The following PCDHGB3 variants were observed in gnomAD, a reference collection of about 807,000 sequenced individuals.
The protein encoded by PCDHGB3 is protocadherin gamma-B3.
Under a neutral mutation model 59.2 loss-of-function variants are expected in PCDHGB3, and 40 were observed. That is an observed-to-expected ratio of 0.68 (90% confidence interval 0.52 to 0.88). The LOEUF is 0.88. PCDHGB3 is among the 40% of genes least tolerant of loss of function. The pLI is 0.00. For missense variants in PCDHGB3, 1,309 were observed against 1,187.9 expected (o/e 1.10, Z -1.50); for synonymous variants, 581 against 503.6 (o/e 1.15, Z -2.06).
In PCDHGB3 at chr5:141,408,093, G is replaced by C. The variant is rs533105778; in HGVS notation, c.2415+35284G>C. On this transcript the variant is annotated intron_variant, in intron 1 of 3. Transcript: ENST00000576222. ...CCTTTCCCAGCACAGCGGATTGCCA[G>C]CTCCGAGACCCGGGACTCCTCCTGT... The C allele has an allele frequency of 7.0e-6, 10 of 1,429,954 alleles. No homozygotes were observed. In the Admixed American group the frequency reaches 1.4e-4, roughly 20 times the overall value. 88.6% of individuals were successfully genotyped at this position (1,429,954 alleles called of 1,614,324 possible).
intron 1 of PCDHGB3, among the ~76,000 whole-genome samples, chr5:141,451,108 G>A (rs1484218835): frequency 3.3e-5 from 5 of 151,860 alleles, no homozygotes; most frequent in South Asian, 2.1e-4. Flanking sequence ...GATTACAGGC[G>A]TGAGCCACCA....
chr5:141,426,492 T>C (rs1439487321), intron 1 of PCDHGB3: 2 of 336,712 alleles, frequency 5.9e-6, no homozygotes, highest in African/African-American at 4.3e-5. Context: ...TTAGAGTTAG[T>C]GCAGAGAAAC....
intron 1 of PCDHGB3, chr5:141,478,104 CTG>C: frequency 6.2e-7 from 1 of 1,614,118 alleles, no homozygotes; most frequent in Middle Eastern, 1.6e-4. Context: ...GCTACCCTCA[CTG>C]TGTCAGTAAC....
intron 1 of PCDHGB3, among the ~76,000 whole-genome samples, chr5:141,467,330 G>T (rs1335387199): frequency 6.6e-6 from 1 of 152,138 alleles, no homozygotes; most frequent in East Asian, 1.9e-4. Context: ...TGGGATTAGA[G>T]ACGTAAGCCA....
rs752660538 is a variant in PCDHGB3 at position 141,486,495 on chromosome 5, T to C, written c.2416-8312T>C. 1 of 1,614,074 alleles carries C rather than the reference T, an allele frequency of 6.2e-7. No individual in the cohort carries two copies. The highest frequency in any genetic ancestry group is 8.5e-7 in the Non-Finnish European group (1 of 1,179,922). On this transcript the variant is annotated intron_variant, in intron 1 of 3. Transcript: ENST00000576222. The surrounding 1 kb of genome is among the most constrained non-coding windows in gnomAD (Gnocchi z 5.0). ...CCTCCTCTCAGTACCCACAGAACTA[T>C]TTTCCTCAATATTTCAGATGTGAAT...
chr5:141,413,477 C>A, intron 1 of PCDHGB3: 1 of 1,614,100 alleles, frequency 6.2e-7, no homozygotes, highest in Non-Finnish European at 8.5e-7. Flanking sequence ...GAGCTCTGCG[C>A]TCAGAGCGCG....
At chr5:141,473,212 C>G (rs1311953997) in intron 1 of PCDHGB3, among the ~76,000 whole-genome samples, 1 of 152,012 alleles carries the variant, frequency 6.6e-6, no homozygotes, top group Non-Finnish European at 1.5e-5. Flanking sequence ...AAAATGCTTA[C>G]TTCCAGGGAG....
At position 141,431,376 on chromosome 5, in the gene PCDHGB3, C is replaced by T. The variant is rs558222633; in HGVS notation, c.2415+58567C>T. The T allele has an allele frequency of 1.2e-6, 2 of 1,613,436 alleles. No homozygotes were observed. Among genetic ancestry groups the T allele is most frequent in the African/African-American group, 2.7e-5 (2 of 75,070 alleles). On this transcript the variant is annotated intron_variant, in intron 1 of 3. Coordinates refer to ENST00000576222, the MANE Select transcript of PCDHGB3 (RefSeq NM_018924.5). The surrounding 1 kb of genome is among the most constrained non-coding windows in gnomAD (Gnocchi z 4.8). Reference sequence around the variant, plus strand: ...CGCGCCCTGGACCGCGAAGAAAAGGCTGCTCACCACCTGGTCCTTACGGCC... The same window carrying T: ...CGCGCCCTGGACCGCGAAGAAAAGGTTGCTCACCACCTGGTCCTTACGGCC...
chr5:141,385,560 T>C (rs920911668), intron 1 of PCDHGB3: 33 of 1,307,128 alleles, frequency 2.5e-5, no homozygotes, highest in Non-Finnish European at 3.0e-5. Context: ...ATTTTATAAT[T>C]TCCACCTACT....
At chr5:141,417,932 T>A (rs1398348549) in intron 1 of PCDHGB3, 2 of 1,611,670 alleles carry the variant, frequency 1.2e-6, no homozygotes, top group East Asian at 4.5e-5. Flanking sequence ...GCTGCCTTTG[T>A]TCTACCCCAC....
At chr5:141,446,493 T>C (rs1416449558) in intron 1 of PCDHGB3, among the ~76,000 whole-genome samples, 2 of 152,152 alleles carry the variant, frequency 1.3e-5, no homozygotes. Flanking sequence ...TTTTTTTTTT[T>C]TGAGATGGAG....
At chr5:141,456,421 A>C (rs1358944131) in intron 1 of PCDHGB3, among the ~76,000 whole-genome samples, 1 of 152,150 alleles carries the variant, frequency 6.6e-6, no homozygotes, top group Non-Finnish European at 1.5e-5. Context: ...GAAACAATTC[A>C]AGTTATAGTA....
chr5:141,389,737 G>A, intron 1 of PCDHGB3: 2 of 1,612,718 alleles, frequency 1.2e-6, no homozygotes, highest in Non-Finnish European at 1.7e-6. Flanking sequence ...TTCAGCCTGG[G>A]GCTGCGCACG....
intron 3 of PCDHGB3, among the ~76,000 whole-genome samples, chr5:141,509,109 G>A (rs893509101): frequency 5.3e-5 from 8 of 152,240 alleles, no homozygotes; most frequent in African/African-American, 1.9e-4. Flanking sequence ...AAACCTGAGC[G>A]CTGGTGCGTG....
At chr5:141,415,801 A>G (rs560476453) in intron 1 of PCDHGB3, 12 of 1,373,384 alleles carry the variant, frequency 8.7e-6, no homozygotes, top group East Asian at 5.3e-5. Flanking sequence ...CCTAGTCTCA[A>G]TCAAGGCCTA....
chr5:141,387,563 A>C (rs1589038442), intron 1 of PCDHGB3: 1 of 438,342 alleles, frequency 2.3e-6, no homozygotes, highest in East Asian at 3.7e-5. Context: ...TTAGGCACAC[A>C]ATTATAATTA....
chr5:141,409,900 T>G (rs756245078), intron 1 of PCDHGB3: 1 of 1,613,144 alleles, frequency 6.2e-7, no homozygotes, highest in Non-Finnish European at 8.5e-7. Flanking sequence ...TGTACCCAGC[T>G]CTGGGTCCTG....
At chr5:141,416,913 G>C (rs2096067624) in intron 1 of PCDHGB3, 1 of 151,920 alleles carries the variant, frequency 6.6e-6, no homozygotes, top group South Asian at 2.1e-4. Context: ...ACACTCTTTA[G>C]GGTCATAGTT....
At chr5:141,407,960 C>T in intron 1 of PCDHGB3, 1 of 669,186 alleles carries the variant, frequency 1.5e-6, no homozygotes, top group Non-Finnish European at 2.4e-6. Flanking sequence ...CAGTGCAGAG[C>T]AAGCGCTGAC....
Sources: gnomAD v4.1 joint callset for allele counts (sites outside exome capture counted in the v4.1 genomes callset) on GRCh38, gnomAD v4.1.1 for gene constraint, Gnocchi (gnomAD v3.1) non-coding constraint, MANE v1.5 for transcripts, NCBI Gene and HGNC (gene_info 2026-07-23, HGNC 2026-07-21) for gene names.